Variants in LBP observed in about 807,000 individuals in gnomAD.
The protein encoded by LBP is lipopolysaccharide-binding protein.
LBP carries 53 observed loss-of-function variants against 56.6 expected under a neutral mutation model. That is an observed-to-expected ratio of 0.94 (90% CI 0.75 to 1.18). LBP has a LOEUF of 1.18. Ranked by LOEUF, LBP falls within the 50% of genes most tolerant of loss-of-function variation. LBP has a pLI of 0.00. For missense variants in LBP, 601 were observed against 598.3 expected, an observed-to-expected ratio of 1.00 and a Z score of -0.05; for synonymous variants, 227 against 247.5, an observed-to-expected ratio of 0.92 and a Z score of 0.78.
rs1318197185 is a variant in LBP at position 38,355,425 on chromosome 20, C to T, written c.588+16C>T. 1 of 1,610,896 alleles carries T rather than the reference C, an allele frequency of 6.2e-7. No homozygotes were observed. Among genetic ancestry groups the T allele is most frequent in the South Asian group, 1.1e-5 (1 of 91,020 alleles). Reference sequence around the variant, plus strand: ...GGAGAGCAGGGTAAGAAGGTCCAAGCCTCTGGCCTCCCCCGAGCTTGGCGA... The same window carrying T: ...GGAGAGCAGGGTAAGAAGGTCCAAGTCTCTGGCCTCCCCCGAGCTTGGCGA... On this transcript the variant is annotated intron_variant, in intron 5 of 14. Coordinates refer to ENST00000217407, the MANE Select transcript of LBP (RefSeq NM_004139.5).
chr20:38,352,961 A>T (rs1244088915), intron 3 of LBP, among the ~76,000 whole-genome samples: 5 of 152,040 alleles, frequency 3.3e-5, no homozygotes, highest in Non-Finnish European at 5.9e-5. Flanking sequence ...TTAAAATTAC[A>T]TGTGTGGCTC....
At chr20:38,375,748 A>G (rs2122631842) in intron 14 of LBP, among the ~76,000 whole-genome samples, 1 of 152,236 alleles carries the variant, frequency 6.6e-6, no homozygotes, top group East Asian at 1.9e-4. Flanking sequence ...TTTTGAGGTG[A>G]GATGAACTGG....
chr20:38,357,324 G>A (rs758671226), intron 5 of LBP, among the ~76,000 whole-genome samples: 3 of 152,186 alleles, frequency 2.0e-5, no homozygotes, highest in Admixed American at 6.5e-5. Context: ...CCCTTCTAGG[G>A]CTAGGTGTCT....
intron 14 of LBP, among the ~76,000 whole-genome samples, chr20:38,376,102 T>C (rs2083957199): frequency 6.6e-6 from 1 of 152,218 alleles, no homozygotes; most frequent in Admixed American, 6.5e-5. Context: ...AGGGCAAGTA[T>C]GATAGCTTCT....
chr20:38,371,322 T>C lies in LBP; in HGVS notation c.1260T>C (p.Asn420=), dbSNP rs1240456189. The C allele has an allele frequency of 6.2e-7, 1 of 1,602,268 alleles. No homozygotes were observed. The highest frequency in any genetic ancestry group is 2.2e-5 in the East Asian group (1 of 44,830). Residue 420 remains asparagine (N), a splice_region_variant and synonymous_variant, in exon 12 of 15, where the codon AAT becomes AAC. Transcript: ENST00000217407. ...AAGAATCCAAAGTTGGACTATTCAA[T>C]GTAAGTTGTTTTTATTGATGACATG... is the stretch of plus-strand genomic sequence containing the variant. ...ELKESKVGLF[N]AELLEALLNY... is the part of the protein sequence containing the mutation.
In LBP at chr20:38,371,306, A is replaced by G; in HGVS notation, c.1244A>G (p.Lys415Arg). The stretch of plus-strand genomic sequence containing the variant: ...GTAAAAGTGGAACTGAAAGAATCCA[A>G]AGTTGGACTATTCAATGTAAGTTGT... The part of the protein sequence containing the change: ...GKVKVELKES[K>R]VGLFNAELLE... The change falls in exon 12 of 15, where the codon AAA (lysine) becomes AGA (arginine). Residue 415 changes from lysine (K) to arginine (R), a missense_variant. By Grantham distance (26) the Lys-to-Arg change is conservative. Coordinates refer to ENST00000217407, the MANE Select transcript of LBP (RefSeq NM_004139.5). 4 of 1,608,716 alleles carry G rather than the reference A, an allele frequency of 2.5e-6. No homozygotes were observed. In the South Asian group the frequency reaches 3.3e-5, roughly 13 times the overall value.
rs11536980 is a variant in LBP, at chr20:38,366,390, C to A, written c.922-379C>A. 3.8e-3 allele frequency among the ~76,000 whole-genome samples: 579 copies of A among 152,254 alleles called. 3 individuals carry two copies. Among genetic ancestry groups the A allele is most frequent in the African/African-American group, 0.013 (559 of 41,544 alleles). On this transcript the variant is annotated intron_variant, in intron 8 of 14. Coordinates refer to ENST00000217407, the MANE Select transcript of LBP (RefSeq NM_004139.5). ...CCTTGTGCTAGGATGTTCGTTTAGG[C>A]CTCACAGTGACTCGAAGGTGGGGAC... is the stretch of plus-strand genomic sequence containing the variant.
intron 10 of LBP, among the ~76,000 whole-genome samples, chr20:38,369,993 G>A (rs1379587031): frequency 6.6e-6 from 1 of 151,902 alleles, no homozygotes; most frequent in African/African-American, 2.4e-5. Context: ...TCTCTACCAG[G>A]GTAATTCTTC....
intron 9 of LBP, among the ~76,000 whole-genome samples, chr20:38,367,263 G>A (rs1279027374): frequency 6.6e-6 from 1 of 152,072 alleles, no homozygotes; most frequent in East Asian, 1.9e-4. Context: ...AGACCAGCCT[G>A]GGCAACATGA....
At chr20:38,371,820 A>G (rs953026013) in intron 12 of LBP, among the ~76,000 whole-genome samples, 3 of 151,982 alleles carry the variant, frequency 2.0e-5, no homozygotes, top group Admixed American at 6.6e-5. Context: ...AAAAATTTGC[A>G]CACACACACA....
chr20:38,371,401 T>G, intron 12 of LBP, 79 bp downstream of exon 12: 1 of 1,044,712 alleles, frequency 9.6e-7, no homozygotes. Flanking sequence ...ATGGCACCTA[T>G]AATAGGAAAT....
At chr20:38,353,628 G>A (rs1043136533) in intron 3 of LBP, among the ~76,000 whole-genome samples, 4 of 151,880 alleles carry the variant, frequency 2.6e-5, no homozygotes, top group Admixed American at 6.6e-5. Context: ...ATGTTAGAAC[G>A]AGGAGAGATC....
intron 5 of LBP, among the ~76,000 whole-genome samples, chr20:38,356,822 G>T (rs1193209338): frequency 6.6e-6 from 1 of 151,994 alleles, no homozygotes; most frequent in African/African-American, 2.4e-5. Context: ...AGGGATAATG[G>T]GCTCAGCAGT....
In LBP at chr20:38,360,736, C is replaced by T. The variant is rs775472705; in HGVS notation, c.621C>T (p.Ser207=). 8.7e-6 allele frequency: 14 copies of T among 1,612,960 alleles called. No individual in the cohort carries two copies. The highest frequency in any genetic ancestry group is 4.5e-5 in the East Asian group (2 of 44,872). Residue 207 remains serine (S), a synonymous_variant, in exon 6 of 15, where the codon TCC becomes TCT. Coordinates refer to ENST00000217407, the MANE Select transcript of LBP (RefSeq NM_004139.5). ...ICEMIQKSVS[S]DLQPYLQTLP... Reference sequence around the variant, plus strand: ...AAATGATCCAGAAATCAGTGTCCTCCGATCTACAGCCTTATCTCCAAACTC... The same window carrying T: ...AAATGATCCAGAAATCAGTGTCCTCTGATCTACAGCCTTATCTCCAAACTC...
At chr20:38,355,625 C>G (rs896589490) in intron 5 of LBP, among the ~76,000 whole-genome samples, 2 of 152,134 alleles carry the variant, frequency 1.3e-5, no homozygotes, top group Admixed American at 6.5e-5. Flanking sequence ...AGAAAATGGT[C>G]AACTGCTTGA....
At chr20:38,372,095 T>A (rs2076902743) in intron 12 of LBP, among the ~76,000 whole-genome samples, 1 of 152,138 alleles carries the variant, frequency 6.6e-6, no homozygotes, top group South Asian at 2.1e-4. Context: ...GAAAAAGTGG[T>A]GAAGTAGACG....
Position 38,355,333 on chromosome 20 carries a change from C to A in LBP, c.525-13C>A, listed in dbSNP as rs374893158. On this transcript the variant is annotated splice_polypyrimidine_tract_variant and intron_variant, in intron 4 of 14. Transcript: ENST00000217407. ...TCCCCAAGTTCAGTGGCAGACTGTG[C>A]TTCTCTCCCCAGGTGGCTGTTGAAC... 5 of 1,613,424 alleles carry A rather than the reference C, an allele frequency of 3.1e-6. No homozygotes were observed. In the African/African-American group the frequency reaches 6.7e-5, roughly 21 times the overall value.
rs1299337592 is a variant in LBP, at chr20:38,350,923, G to A, written c.352G>A (p.Val118Met). The change falls in exon 3 of 15, where the codon GTG (valine) becomes ATG (methionine). Residue 118 changes from valine to methionine, a missense_variant. By Grantham distance (21) the Val-to-Met change is conservative (BLOSUM62 1). Transcript: ENST00000217407. Reference protein sequence around the residue: ...SSIRVQGRWKVRKSFFKLQGS... With the variant: ...SSIRVQGRWKMRKSFFKLQGS... ...CATCCGGGTCCAGGGCAGGTGGAAGGTGCGCAAGTCATTCTTGTAAGTTGG... is the reference window on the plus strand; with the variant it reads ...CATCCGGGTCCAGGGCAGGTGGAAGATGCGCAAGTCATTCTTGTAAGTTGG... The A allele has an allele frequency of 6.2e-7, 1 of 1,613,886 alleles. No homozygotes were observed. The highest frequency in any genetic ancestry group is 8.5e-7 in the Non-Finnish European group (1 of 1,179,852).
At chr20:38,346,691 G>A in intron 1 of LBP, 51 bp downstream of exon 1, 1 of 1,607,888 alleles carries the variant, frequency 6.2e-7, no homozygotes, top group South Asian at 1.1e-5. Context: ...GCTCCAGGCT[G>A]CTCTGGGTAC....
Sources: allele counts gnomAD v4.1 joint callset (sites outside exome capture counted in the v4.1 genomes callset), GRCh38; gene constraint gnomAD v4.1.1; transcripts MANE v1.5; gene names NCBI Gene and HGNC (gene_info 2026-07-23, HGNC 2026-07-21).